ABR: variants seen among roughly 807,000 people sequenced by gnomAD.
The protein encoded by ABR is active breakpoint cluster region-related protein.
ABR carries 35 observed loss-of-function variants against 107.2 expected under a neutral mutation model. The ratio of observed to expected loss-of-function variants is 0.33; its 90% confidence interval spans 0.25 to 0.43. The LOEUF (loss-of-function observed/expected upper bound fraction) is 0.43, where lower values mean the gene tolerates loss of function less well. Among genes scored for constraint, ABR ranks in the 20% least tolerant of loss-of-function variants. The pLI is 1.00. For synonymous variants in ABR, 498 were observed against 462.0 expected (o/e 1.08, Z -1.00); for missense variants, 815 against 1,115.2 (o/e 0.73, Z 3.83).
chr17:1,173,012 G>C (rs2041777944), intron 1 of ABR, among the ~76,000 whole-genome samples: 1 of 93,270 alleles, frequency 1.1e-5, no homozygotes, highest in African/African-American at 3.8e-5. Context: ...CATCACCTCA[G>C]TCCACCCAAC....
Position 1,207,544 on chromosome 17 carries a change from G to A in ABR, c.838+21249C>T, listed in dbSNP as rs188411703. Reference sequence around the variant, plus strand: ...GGCGCCTGTAATCCCAGCTACTCAGGAGGCTGAGCCAGGAGAATTGCTTGA... The same window carrying A: ...GGCGCCTGTAATCCCAGCTACTCAGAAGGCTGAGCCAGGAGAATTGCTTGA... On this transcript the variant is annotated intron_variant, in intron 1 of 22. Coordinates refer to the ABR transcript ENST00000574139. Among the ~76,000 whole-genome samples the A allele has an allele frequency of 9.4e-3, 1,406 of 150,100 alleles. 14 individuals are homozygous for A. Among genetic ancestry groups the A allele is most frequent in the South Asian group, 0.021 (101 of 4,704 alleles).
intron 1 of ABR, among the ~76,000 whole-genome samples, chr17:1,136,947 G>C (rs1251367604): frequency 6.6e-6 from 1 of 151,996 alleles, no homozygotes; most frequent in East Asian, 1.9e-4. Context: ...GGTAGGAGAG[G>C]CTCCGCTTCC....
chr17:1,185,191 A>G (rs1456785843), intron 1 of ABR: 1 of 152,206 alleles, frequency 6.6e-6, no homozygotes, highest in Non-Finnish European at 1.5e-5. Flanking sequence ...TGGTATCCCA[A>G]GAAAACCATA....
rs755702759 is a variant in ABR, at chr17:1,125,375, A to C, written c.62-8T>G. The C allele has an allele frequency of 1.2e-6, 2 of 1,612,292 alleles. No individual in the cohort carries two copies. Among genetic ancestry groups the C allele is most frequent in the Non-Finnish European group, 1.7e-6 (2 of 1,179,970 alleles). ...CCGTCCCGTAGCTGAAGTCTGAGAC[A>C]AGGAACAAGAAAGGCCACTGAGAAT... On this transcript the variant is annotated splice_region_variant and splice_polypyrimidine_tract_variant and intron_variant, in intron 1 of 22. Transcript: ENST00000302538.
At chr17:1,026,723 G>A (rs1336572828) in intron 16 of ABR, among the ~76,000 whole-genome samples, 1 of 152,234 alleles carries the variant, frequency 6.6e-6, no homozygotes, top group African/African-American at 2.4e-5. Flanking sequence ...GGTGCTGGGG[G>A]GCCGTCAGGA....
chr17:1,125,566 G>A (rs774348462), intron 1 of ABR, 199 bp from the exon 2 acceptor site: 35 of 395,138 alleles, frequency 8.9e-5, no homozygotes, highest in South Asian at 3.3e-4. Context: ...GGCCCTGCCC[G>A]CTCCGGGGCT....
chr17:1,203,813 A>G (rs1017459205), intron 1 of ABR, among the ~76,000 whole-genome samples: 1 of 151,634 alleles, frequency 6.6e-6, no homozygotes, highest in African/African-American at 2.4e-5. Context: ...CCGCGTGGCG[A>G]GAGACCCGCC....
rs1189300355 is a variant in ABR at position 1,050,711 on chromosome 17, G to A, written c.1562-77C>T. The A allele has an allele frequency of 8.7e-7, 1 of 1,151,530 alleles. No homozygotes were observed. The highest frequency in any genetic ancestry group is 2.4e-5 in the East Asian group (1 of 42,294). 71.3% of individuals were successfully genotyped at this position (1,151,530 alleles called of 1,614,324 possible). On this transcript the variant is annotated intron_variant, in intron 14 of 22. Transcript: ENST00000302538. This position sits in a 1 kb window ranked among gnomAD's most constrained non-coding sequence, Gnocchi z 4.6. Reference sequence around the variant, plus strand: ...CAGCTGGGGCGGCACTCAGGATGGAGGGGGACATCGCATCTGTCCTTTCCA... The same window carrying A: ...CAGCTGGGGCGGCACTCAGGATGGAAGGGGACATCGCATCTGTCCTTTCCA...
upstream of ABR, among the ~76,000 whole-genome samples, chr17:1,190,264 T>C (rs907190938): frequency 1.3e-5 from 2 of 152,200 alleles, no homozygotes; most frequent in African/African-American, 4.8e-5. Flanking sequence ...AACCCAGAAA[T>C]GGTTCAGCCC....
chr17:1,090,799 C>T (rs1400183340), intron 4 of ABR, among the ~76,000 whole-genome samples: 2 of 152,220 alleles, frequency 1.3e-5, no homozygotes, highest in African/African-American at 4.8e-5. Context: ...AGAAGGTCCT[C>T]TGGCCACTCA....
intron 1 of ABR, among the ~76,000 whole-genome samples, chr17:1,127,849 C>T (rs778516271): frequency 6.6e-6 from 1 of 152,216 alleles, no homozygotes; most frequent in Non-Finnish European, 1.5e-5. Context: ...TCATCCTGAT[C>T]AGAGCAGAGG....
chr17:1,040,078 C>T (rs1374938503), intron 16 of ABR, among the ~76,000 whole-genome samples: 2 of 152,180 alleles, frequency 1.3e-5, no homozygotes, highest in Non-Finnish European at 2.9e-5. Flanking sequence ...CGGGGAAGCA[C>T]TGAGGACCCA....
chr17:1,038,981 G>A (rs950980209), intron 16 of ABR, among the ~76,000 whole-genome samples: 2 of 152,226 alleles, frequency 1.3e-5, no homozygotes, highest in Non-Finnish European at 1.5e-5. Context: ...CGGCGAGTTC[G>A]CTGAATGCCA....
chr17:1,017,166 G>T (rs557308169), intron 16 of ABR, among the ~76,000 whole-genome samples: 1 of 152,212 alleles, frequency 6.6e-6, no homozygotes, highest in South Asian at 2.1e-4. Context: ...GGAAGCGTGA[G>T]GCCATCACCA....
At position 1,027,536 on chromosome 17, in the gene ABR, GC is replaced by G. The variant is rs2072293479; in HGVS notation, c.1792-14373del. 6.6e-6 allele frequency among the ~76,000 whole-genome samples: 1 copy of G among 152,202 alleles called. No individual in the cohort carries two copies. Among genetic ancestry groups the G allele is most frequent in the East Asian group, 1.9e-4 (1 of 5,198 alleles). On this transcript the variant is annotated intron_variant, in intron 16 of 22. Transcript: ENST00000302538. The surrounding 1 kb of genome is among the most constrained non-coding windows in gnomAD (Gnocchi z 4.7). ...AGAGAGATCAGAGAGTACTCATGAGGCCCCAGCAGTGAGGTCTGCCCACTCG... is the reference window on the plus strand; with the variant it reads ...AGAGAGATCAGAGAGTACTCATGAGGCCCAGCAGTGAGGTCTGCCCACTCG...
At chr17:1,024,596 C>T (rs1047694574) in intron 16 of ABR, among the ~76,000 whole-genome samples, 4 of 151,922 alleles carry the variant, frequency 2.6e-5, no homozygotes, top group African/African-American at 4.8e-5. Flanking sequence ...CATCAGCCTG[C>T]GCAACATAAC....
intron 1 of ABR, among the ~76,000 whole-genome samples, chr17:1,146,613 ACACCACTGC>A (rs1326360947): frequency 6.7e-6 from 1 of 148,290 alleles, no homozygotes; most frequent in Non-Finnish European, 1.5e-5. Flanking sequence ...CTGCCACATG[ACACCACTGC>A]CACCACTGCC....
At chr17:1,006,272 C>T in intron 22 of ABR, 103 bp from the exon 23 acceptor site, 1 of 1,054,154 alleles carries the variant, frequency 9.5e-7, no homozygotes, top group Non-Finnish European at 1.4e-6. Context: ...CTGGCTCCGG[C>T]CACCGCCCCT....
intron 16 of ABR, among the ~76,000 whole-genome samples, chr17:1,031,145 C>T (rs888302394): frequency 6.6e-6 from 1 of 152,168 alleles, no homozygotes; most frequent in South Asian, 2.1e-4. Flanking sequence ...CAGCATCTCC[C>T]CTCCCCACAA....
Sources: allele counts gnomAD v4.1 joint callset (sites outside exome capture counted in the v4.1 genomes callset), GRCh38; gene constraint gnomAD v4.1.1; non-coding constraint Gnocchi (gnomAD v3.1); transcripts MANE v1.5; gene names NCBI Gene and HGNC (gene_info 2026-07-23, HGNC 2026-07-21).